SLC66A2: variants seen among roughly 807,000 people sequenced by gnomAD.
SLC66A2 encodes solute carrier family 66 member 2.
SLC66A2 carries 23 observed loss-of-function variants against 25.5 expected under a neutral mutation model. That is an observed-to-expected ratio of 0.90 (90% CI 0.65 to 1.28). The LOEUF (loss-of-function observed/expected upper bound fraction) is 1.28. Ranked by LOEUF, SLC66A2 falls within the 50% of genes most tolerant of loss-of-function variation. The probability of loss-of-function intolerance (pLI) is 0.00; values close to 1 mark genes in which losing one functional copy is unlikely to be tolerated. For synonymous variants in SLC66A2, 193 were observed against 166.5 expected, an observed-to-expected ratio of 1.16 and a Z score of -1.23; for missense variants, 396 against 373.1, an observed-to-expected ratio of 1.06 and a Z score of -0.51.
In SLC66A2 at chr18:79,910,874, A is replaced by C. The variant is rs528241805; in HGVS notation, c.609-6691T>G. On this transcript the variant is annotated intron_variant, in intron 5 of 5. Coordinates refer to ENST00000397778, the MANE Select transcript of SLC66A2 (RefSeq NM_025078.5). Reference sequence around the variant, plus strand: ...GTTAACTGTGAACAACTTTCAAACTATCTTCAGTGAAACAGTCAAAGCAAG... The same window carrying C: ...GTTAACTGTGAACAACTTTCAAACTCTCTTCAGTGAAACAGTCAAAGCAAG... Among the ~76,000 whole-genome samples the C allele has an allele frequency of 3.3e-5, 5 of 152,352 alleles. No individual in the cohort carries two copies. The South Asian group carries it at 1.0e-3, about 32-fold the overall frequency.
At chr18:79,942,130 G>A (rs775609616) in intron 3 of SLC66A2, among the ~76,000 whole-genome samples, 5 of 152,206 alleles carry the variant, frequency 3.3e-5, no homozygotes, top group South Asian at 2.1e-4. Flanking sequence ...CGGGGAATCC[G>A]GCTGGTTCTT....
chr18:79,942,697 G>T (rs961081669), intron 3 of SLC66A2, among the ~76,000 whole-genome samples: 39 of 152,356 alleles, frequency 2.6e-4, no homozygotes, highest in Admixed American at 2.2e-3. Flanking sequence ...TGTTCAAACA[G>T]AGTTCAGACT....
intron 5 of SLC66A2, among the ~76,000 whole-genome samples, chr18:79,907,767 T>C (rs898793349): frequency 1.3e-5 from 2 of 151,896 alleles, no homozygotes; most frequent in African/African-American, 4.8e-5. Context: ...TTTTTAGTTG[T>C]CACAACTGGA....
Position 79,919,376 on chromosome 18 carries a change from T to C in SLC66A2, c.416A>G (p.Gln139Arg), listed in dbSNP as rs201323361. 1.3e-4 allele frequency: 207 copies of C among 1,612,944 alleles called. No individual in the cohort carries two copies. The highest frequency in any genetic ancestry group is 1.6e-4 in the Non-Finnish European group (192 of 1,180,004). Residue 139 changes from glutamine (Q) to arginine (R), a missense_variant, in exon 5 of 6, where the codon CAG becomes CGG. Physicochemically the swap from Gln to Arg is conservative, Grantham distance 43 (BLOSUM62 1). Transcript: ENST00000397778. ...FLDFDPHHFW[Q>R]WSSFSDYVQC... ...CACGTAGTCCGAGAAGCTGCTCCACTGCCAGAAGTGGTGGGGGTCGAAGTC... is the reference window on the plus strand; with the variant it reads ...CACGTAGTCCGAGAAGCTGCTCCACCGCCAGAAGTGGTGGGGGTCGAAGTC...
chr18:79,950,066 G>A (rs1214730170), intron 2 of SLC66A2, among the ~76,000 whole-genome samples: 1 of 152,198 alleles, frequency 6.6e-6, no homozygotes, highest in East Asian at 1.9e-4. Flanking sequence ...AGGCAGGCCA[G>A]GCGCCGTGGC....
rs1489822369 is a variant in SLC66A2, at chr18:79,919,293, A to C, written c.499T>G (p.Ser167Ala). 1.9e-6 allele frequency: 3 copies of C among 1,613,322 alleles called. No homozygotes were observed. Among genetic ancestry groups the C allele is most frequent in the Non-Finnish European group, 2.5e-6 (3 of 1,180,028 alleles). The change falls in exon 5 of 6, where the codon TCC becomes GCC. Residue 167 changes from serine (S) to alanine (A), a missense_variant. Transcript: ENST00000397778. ...CCCAGGGTCTCCACAAACAGGGCGG[A>C]GTCAATGGACAGGTAGGTGATGTAG... is the stretch of plus-strand genomic sequence containing the variant. The part of the protein sequence containing the change: ...AGYITYLSID[S>A]ALFVETLGFL...
rs1183267670 is a variant in SLC66A2, at chr18:79,937,837, T to C, written c.338-3815A>G. ...ACACGAGGAAACACCAGGAGTGCCA[T>C]CTCCACTGCAGGGCTTCCCAAAACT... On this transcript the variant is annotated intron_variant, in intron 3 of 5. Transcript: ENST00000397778. This position sits in a 1 kb window ranked among gnomAD's most constrained non-coding sequence, Gnocchi z 5.4. 3.3e-5 allele frequency among the ~76,000 whole-genome samples: 5 copies of C among 152,056 alleles called. No homozygotes were observed. The highest frequency in any genetic ancestry group is 4.4e-5 in the Non-Finnish European group (3 of 68,002).
intron 2 of SLC66A2, among the ~76,000 whole-genome samples, chr18:79,948,418 G>A (rs1404701592): frequency 6.6e-6 from 1 of 152,224 alleles, no homozygotes; most frequent in African/African-American, 2.4e-5. Flanking sequence ...ACAGCTCACT[G>A]CAGCCTCGAA....
chr18:79,935,782 G>A (rs2144894614), intron 3 of SLC66A2, among the ~76,000 whole-genome samples: 1 of 152,254 alleles, frequency 6.6e-6, no homozygotes, highest in East Asian at 1.9e-4. Context: ...CACCAGCCAT[G>A]CCAAAGAGCG....
intron 5 of SLC66A2, among the ~76,000 whole-genome samples, chr18:79,913,241 G>A (rs1983504396): frequency 6.6e-6 from 1 of 152,176 alleles, no homozygotes; most frequent in African/African-American, 2.4e-5. Flanking sequence ...CACCTGCCCA[G>A]GCTCTTCCAC....
chr18:79,944,234 G>GT (rs1291718422), intron 2 of SLC66A2: 1 of 153,112 alleles, frequency 6.5e-6, no homozygotes, highest in Non-Finnish European at 1.5e-5. Flanking sequence ...AAAAAGCCCA[G>GT]TTTCTAGCTC....
At position 79,917,285 on chromosome 18, in the gene SLC66A2, G is replaced by A. The variant is rs78121206; in HGVS notation, c.608+1899C>T. Among the ~76,000 whole-genome samples the A allele has an allele frequency of 0.016, 2,485 of 152,336 alleles. 32 individuals carry two copies. The highest frequency in any genetic ancestry group is 0.027 in the Non-Finnish European group (1,805 of 68,010). Reference sequence around the variant, plus strand: ...CTGAGACCTTGAACAACATGCCTGCGCTGAACAGCAAAACCTGCTACCCTG... The same window carrying A: ...CTGAGACCTTGAACAACATGCCTGCACTGAACAGCAAAACCTGCTACCCTG... On this transcript the variant is annotated intron_variant, in intron 5 of 5. Coordinates refer to ENST00000397778, the MANE Select transcript of SLC66A2 (RefSeq NM_025078.5). The surrounding 1 kb of genome is among the most constrained non-coding windows in gnomAD (Gnocchi z 6.0).
intron 4 of SLC66A2, 38 bp from the exon 5 acceptor site, chr18:79,919,438 G>C: frequency 1.9e-6 from 3 of 1,577,482 alleles, no homozygotes; most frequent in Non-Finnish European, 2.6e-6. Context: ...GCACAGCTTA[G>C]GGTCCAGGTG....
At chr18:79,923,162 G>A (rs867408231) in intron 4 of SLC66A2, among the ~76,000 whole-genome samples, 9 of 149,302 alleles carry the variant, frequency 6.0e-5, no homozygotes, top group African/African-American at 1.5e-4. Flanking sequence ...GAAGAAGCCC[G>A]GCTGCAGTGA....
intron 5 of SLC66A2, among the ~76,000 whole-genome samples, chr18:79,911,368 A>T (rs1983088603): frequency 6.6e-6 from 1 of 152,220 alleles, no homozygotes; most frequent in Non-Finnish European, 1.5e-5. Flanking sequence ...GCAGTGGCAG[A>T]GCTCAGGTCT....
At chr18:79,931,739 G>A (rs753501537) in intron 4 of SLC66A2, among the ~76,000 whole-genome samples, 18 of 152,186 alleles carry the variant, frequency 1.2e-4, no homozygotes, top group East Asian at 1.9e-4. Context: ...CTGGCTGGGC[G>A]TGGTTGCTCA....
At chr18:79,947,773 C>G (rs1451507141) in intron 2 of SLC66A2, among the ~76,000 whole-genome samples, 1 of 151,862 alleles carries the variant, frequency 6.6e-6, no homozygotes, top group East Asian at 1.9e-4. Flanking sequence ...CCCTACAAAC[C>G]ATGAAATCAA....
At chr18:79,950,048 T>A (rs1350829170) in intron 2 of SLC66A2, among the ~76,000 whole-genome samples, 1 of 151,842 alleles carries the variant, frequency 6.6e-6, no homozygotes, top group East Asian at 1.9e-4. Context: ...TGACTTCCTA[T>A]TTAAATAAGG....
At chr18:79,934,055 G>A (rs757541263) in intron 3 of SLC66A2, 33 bp from the exon 4 acceptor site, 2 of 1,586,804 alleles carry the variant, frequency 1.3e-6, no homozygotes, top group South Asian at 2.3e-5. Context: ...GAAACAGAAA[G>A]GGGAAAAAGA....
Sources: gnomAD v4.1 joint callset for allele counts (sites outside exome capture counted in the v4.1 genomes callset) on GRCh38, gnomAD v4.1.1 for gene constraint, Gnocchi (gnomAD v3.1) non-coding constraint, MANE v1.5 for transcripts, NCBI Gene and HGNC (gene_info 2026-07-23, HGNC 2026-07-21) for gene names.